The following RASGRF2 variants were observed in gnomAD, a reference collection of about 807,000 sequenced individuals.
RASGRF2 encodes the protein Ras protein specific guanine nucleotide releasing factor 2, also known as ras-specific guanine nucleotide-releasing factor 2.
In RASGRF2, 76 loss-of-function variants were observed where a neutral mutation model predicts 151.0. The observed-to-expected ratio is 0.50, with a 90% CI of 0.42 to 0.61. The LOEUF (loss-of-function observed/expected upper bound fraction) is 0.61, where lower values mean the gene tolerates loss of function less well. RASGRF2 is among the 20% of genes least tolerant of loss of function. The pLI is 0.00. For synonymous variants in RASGRF2, 504 were observed against 566.5 expected (o/e 0.89, Z 1.57); for missense variants, 1,148 against 1,564.6 (o/e 0.73, Z 4.49).
intron 1 of RASGRF2, among the ~76,000 whole-genome samples, chr5:80,963,534 A>G (rs1232958905): frequency 5.3e-5 from 8 of 152,204 alleles, no homozygotes; most frequent in Non-Finnish European, 8.8e-5. Context: ...CAATAATGGC[A>G]TCTTCTATTT....
rs1753988876 is a variant in RASGRF2 at position 81,145,656 on chromosome 5, A to G, written c.2686+18493A>G. ...TGAGGAGAGTCGCACAGGGGAAAAA[A>G]CTAGGAACTAGGTCTTCTGCCAACA... On this transcript the variant is annotated intron_variant, in intron 17 of 26. Coordinates refer to ENST00000265080, the MANE Select transcript of RASGRF2 (RefSeq NM_006909.3). 2.0e-5 allele frequency among the ~76,000 whole-genome samples: 3 copies of G among 152,102 alleles called. No individual in the cohort carries two copies. The South Asian group carries it at 6.2e-4, about 32-fold the overall frequency.
At chr5:81,015,013 G>A (rs530320603) in intron 1 of RASGRF2, among the ~76,000 whole-genome samples, 14 of 152,138 alleles carry the variant, frequency 9.2e-5, no homozygotes, top group South Asian at 6.2e-4. Context: ...TTGACCTCCC[G>A]GACTCAAGCA....
intron 9 of RASGRF2, chr5:81,087,199 CT>C: frequency 1.4e-6 from 1 of 703,220 alleles, no homozygotes; most frequent in Non-Finnish European, 2.6e-6. Flanking sequence ...TGACTGGACG[CT>C]CCTCCTCAGC....
At chr5:81,011,587 C>CA (rs1202343908) in intron 1 of RASGRF2, among the ~76,000 whole-genome samples, 2 of 151,894 alleles carry the variant, frequency 1.3e-5, no homozygotes, top group African/African-American at 4.8e-5. Flanking sequence ...ACTAAAAATA[C>CA]AAAATTAGCC....
At chr5:80,977,557 G>T (rs947817102) in intron 1 of RASGRF2, among the ~76,000 whole-genome samples, 2 of 151,986 alleles carry the variant, frequency 1.3e-5, no homozygotes, top group Non-Finnish European at 2.9e-5. Context: ...CCATCTCCTG[G>T]GTTCAAGCGA....
intron 1 of RASGRF2, among the ~76,000 whole-genome samples, chr5:80,974,908 A>G (rs914494551): frequency 3.9e-5 from 6 of 152,082 alleles, no homozygotes; most frequent in African/African-American, 1.2e-4. Flanking sequence ...TCTTGCAGGC[A>G]TTAGTGTGGG....
intron 17 of RASGRF2, among the ~76,000 whole-genome samples, chr5:81,165,687 T>C (rs1448259114): frequency 6.6e-6 from 1 of 152,190 alleles, no homozygotes; most frequent in Non-Finnish European, 1.5e-5. Context: ...GTCCTAACTA[T>C]ATCAACAGCC....
At chr5:81,086,809 G>C in intron 8 of RASGRF2, 26 bp from the exon 9 acceptor site, 1 of 1,563,688 alleles carries the variant, frequency 6.4e-7, no homozygotes, top group Non-Finnish European at 8.8e-7. Context: ...CTCTCTTACT[G>C]TGATCCTGTC....
At chr5:81,210,831 T>C (rs1755613807) in intron 22 of RASGRF2, among the ~76,000 whole-genome samples, 1 of 152,070 alleles carries the variant, frequency 6.6e-6, no homozygotes, top group Non-Finnish European at 1.5e-5. Context: ...GTCCCCTTGC[T>C]CTCATACTTA....
chr5:81,141,329 ATTTGCTTTCAGAGGGT>A (rs1468542140), intron 17 of RASGRF2, among the ~76,000 whole-genome samples: 4 of 152,210 alleles, frequency 2.6e-5, no homozygotes, highest in Admixed American at 1.3e-4. Context: ...GCTTGACCAC[ATTTGCTTTCAGAGGGT>A]AATCTTATCT....
In RASGRF2 at chr5:81,198,995, C is replaced by T. The variant is rs1047819612; in HGVS notation, c.2794-2335C>T. Among the ~76,000 whole-genome samples, 4 of 152,210 alleles carry T rather than the reference C, an allele frequency of 2.6e-5. No homozygotes were observed. The South Asian group carries it at 6.2e-4, about 24-fold the overall frequency. ...TGAGAAATCTCCAAACTGCTTTCCACAGGGACTGAACTAATTTGCATTCCC... is the reference window on the plus strand; with the variant it reads ...TGAGAAATCTCCAAACTGCTTTCCATAGGGACTGAACTAATTTGCATTCCC... On this transcript the variant is annotated intron_variant, in intron 18 of 26. Transcript: ENST00000265080.
At chr5:81,209,257 C>T (rs1427149880) in intron 22 of RASGRF2, among the ~76,000 whole-genome samples, 2 of 152,010 alleles carry the variant, frequency 1.3e-5, no homozygotes, top group African/African-American at 2.4e-5. Context: ...CTGCTTTTCC[C>T]CAGCGGTAAG....
intron 1 of RASGRF2, among the ~76,000 whole-genome samples, chr5:81,016,025 C>CAATGGCG (rs1419459529): frequency 1.3e-5 from 2 of 152,124 alleles, no homozygotes; most frequent in East Asian, 3.9e-4. Flanking sequence ...AAGATGGTGA[C>CAATGGCG]AATGGCGACT....
chr5:81,056,828 T>C (rs1469265115), intron 2 of RASGRF2, among the ~76,000 whole-genome samples: 2 of 152,230 alleles, frequency 1.3e-5, no homozygotes, highest in Non-Finnish European at 2.9e-5. Context: ...TGGGTGCCTA[T>C]ATATTTAGGA....
Position 81,108,848 on chromosome 5 carries a change from G to GTA in RASGRF2, c.1756-147_1756-146insAT, listed in dbSNP as rs1404208854. ...ATTTACCTACTCTGTGTGTGTGTGT[G>GTA]TGTGTGTGTGTGTGTGTGTGTGTGT... On this transcript the variant is annotated intron_variant, in intron 12 of 26. Transcript: ENST00000265080. The GTA allele has an allele frequency of 7.2e-5, 59 of 818,758 alleles. No homozygotes were observed. In the Admixed American group the frequency reaches 2.0e-3, roughly 27 times the overall value. The allele number at this position is 818,758 out of a possible 1,614,324, so 50.7% of individuals were successfully genotyped here.
chr5:80,998,497 A>T (rs973206007), intron 1 of RASGRF2, among the ~76,000 whole-genome samples: 1 of 152,160 alleles, frequency 6.6e-6, no homozygotes, highest in Admixed American at 6.5e-5. Context: ...TTTCTCTGTG[A>T]TTCCAACACC....
intron 23 of RASGRF2, 89 bp downstream of exon 23, chr5:81,212,652 C>G: frequency 7.8e-7 from 1 of 1,276,124 alleles, no homozygotes; most frequent in Non-Finnish European, 1.1e-6. Flanking sequence ...ATTAGGAAAT[C>G]ATTAACTGAA....
chr5:80,994,165 A>G (rs1476919443), intron 1 of RASGRF2, among the ~76,000 whole-genome samples: 1 of 151,964 alleles, frequency 6.6e-6, no homozygotes, highest in Non-Finnish European at 1.5e-5. Context: ...GGAGATCGAG[A>G]CCATCCTGGC....
intron 5 of RASGRF2, among the ~76,000 whole-genome samples, chr5:81,078,676 TA>T (rs1752004761): frequency 6.6e-6 from 1 of 152,242 alleles, no homozygotes; most frequent in Admixed American, 6.5e-5. Context: ...GGTTTATAGT[TA>T]AGAAAATGCA....
Sources: allele counts gnomAD v4.1 joint callset (sites outside exome capture counted in the v4.1 genomes callset), GRCh38; gene constraint gnomAD v4.1.1; transcripts MANE v1.5; gene names NCBI Gene and HGNC (gene_info 2026-07-23, HGNC 2026-07-21).